The following CIRBP variants were observed in gnomAD, a reference collection of about 807,000 sequenced individuals.
CIRBP encodes cold-inducible RNA-binding protein.
In CIRBP, 11 loss-of-function variants were observed where a neutral mutation model predicts 22.3. The ratio of observed to expected loss-of-function variants is 0.49; its 90% CI spans 0.31 to 0.82. The LOEUF (loss-of-function observed/expected upper bound fraction) is 0.82, where lower values mean the gene tolerates loss of function less well. Ranked by LOEUF, CIRBP falls within the 40% of genes least tolerant of loss-of-function variation. The probability of loss-of-function intolerance (pLI) is 0.05; values close to 1 mark genes in which losing one functional copy is unlikely to be tolerated. For synonymous variants in CIRBP, 216 were observed against 158.8 expected (o/e 1.36, Z -2.71); for missense variants, 456 against 402.7 (o/e 1.13, Z -1.13).
chr19:1,274,271 G>A lies in CIRBP; in HGVS notation c.*1828G>A. The A allele has an allele frequency of 2.5e-6, 1 of 401,312 alleles. No homozygotes were observed. Among genetic ancestry groups the A allele is most frequent in the Non-Finnish European group, 4.4e-6 (1 of 226,376 alleles). 24.9% of individuals were successfully genotyped at this position (401,312 alleles called of 1,614,324 possible). On this transcript the variant is annotated 3_prime_UTR_variant, in exon 6 of 6. Coordinates refer to ENST00000587896, the MANE Select transcript of CIRBP (RefSeq NM_001300829.2). ...GGGAGGGGCAGCTGTGAGCCCTGTG[G>A]AGGACGTTGGGAGTAACGCTGCTTT...
At position 1,271,897 on chromosome 19, in the gene CIRBP, C is replaced by G. The variant is rs1302368440; in HGVS notation, c.432-84C>G. 3.2e-6 allele frequency: 4 copies of G among 1,235,682 alleles called. No homozygotes were observed. In the East Asian group the frequency reaches 7.0e-5, roughly 22 times the overall value. 76.5% of individuals were successfully genotyped at this position (1,235,682 alleles called of 1,614,324 possible). ...TTGTGTCCCCAGAAGGGACGGCTGG[C>G]ATGGGGGCTGGCGGCTCAGCCTGTT... is the stretch of plus-strand genomic sequence containing the variant. On this transcript the variant is annotated intron_variant, in intron 5 of 5. Transcript: ENST00000587896.
In CIRBP at chr19:1,272,436, A is replaced by G. The variant is rs748696708; in HGVS notation, c.887A>G (p.Asn296Ser). The G allele has an allele frequency of 6.5e-7, 1 of 1,538,806 alleles. No individual in the cohort carries two copies. Among genetic ancestry groups the G allele is most frequent in the South Asian group, 1.3e-5 (1 of 79,538 alleles). The change falls in exon 6 of 6, where the codon AAC becomes AGC. Residue 296 changes from asparagine to serine, a missense_variant. Physicochemically the swap from Asn to Ser is conservative, Grantham distance 46. This residue lies in a region of CIRBP where 426 missense variants were observed against 339.6 expected (regional missense o/e 1.25). Coordinates refer to ENST00000587896, the MANE Select transcript of CIRBP (RefSeq NM_001300829.2). ...TGCTTCTTGTCCTCAGCTACACACA[A>G]CGAGTAAAAACCCTTCCTGCTCAAG... ...CACFLSSATH[N>S]E
intron 5 of CIRBP, 110 bp downstream of exon 5, chr19:1,271,742 G>C: frequency 3.8e-6 from 3 of 785,948 alleles, no homozygotes; most frequent in South Asian, 3.6e-5. Context: ...GCAAGGAGCA[G>C]AGGCAGGTGG....
At chr19:1,271,891 G>A (rs1016764557) in intron 5 of CIRBP, 90 bp from the exon 6 acceptor site, 9 of 1,176,558 alleles carry the variant, frequency 7.6e-6, no homozygotes, top group South Asian at 4.2e-5. Context: ...CAGAAGGGAC[G>A]GCTGGCATGG....
Position 1,272,649 on chromosome 19 carries a change from G to GTT in CIRBP, c.*214_*215dup, listed in dbSNP as rs201218530. On this transcript the variant is annotated 3_prime_UTR_variant, in exon 6 of 6. Coordinates refer to ENST00000587896, the MANE Select transcript of CIRBP (RefSeq NM_001300829.2). ...AGACTTTTCTTTTTAAGGAAGTGCT[G>GTT]TTTTTTTTTGAGGGTTTTCAAAACA... 14 of 418,020 alleles carry GTT rather than the reference G, an allele frequency of 3.3e-5. No individual in the cohort carries two copies. The highest frequency in any genetic ancestry group is 6.9e-5 in the East Asian group (2 of 28,800). The allele number at this position is 418,020 out of a possible 1,614,324, so 25.9% of individuals were successfully genotyped here. A position where few individuals can be genotyped will look rare whatever the true frequency, so the allele number is the denominator to read the frequency against.
intron 5 of CIRBP, 25 bp downstream of exon 5, chr19:1,271,657 CA>C (rs766896699): frequency 1.0e-4 from 146 of 1,417,900 alleles, no homozygotes; most frequent in Non-Finnish European, 1.4e-4. Context: ...GGCCCAAGCA[CA>C]GGGGTGGTTG....
rs2081388550 is a variant in CIRBP at position 1,274,363 on chromosome 19, CTG to C, written c.*1921_*1922del. 3 of 401,036 alleles carry C rather than the reference CTG, an allele frequency of 7.5e-6. No individual in the cohort carries two copies. The highest frequency in any genetic ancestry group is 1.3e-5 in the Non-Finnish European group (3 of 226,326). The allele number at this position is 401,036 out of a possible 1,614,324, so 24.8% of individuals were successfully genotyped here. ...GGTGGCCTGAGAGCAGCGATGACCT[CTG>C]GGGTCACTGTCCCAGGAGGGACTTC... On this transcript the variant is annotated 3_prime_UTR_variant, in exon 6 of 6. Coordinates refer to ENST00000587896, the MANE Select transcript of CIRBP (RefSeq NM_001300829.2).
At chr19:1,269,950 A>T (rs1396228797) in intron 1 of CIRBP, 1 of 519,770 alleles carries the variant, frequency 1.9e-6, no homozygotes, top group Non-Finnish European at 3.8e-6. Flanking sequence ...TTGCGCCCAA[A>T]GTTTGGTCCA....
chr19:1,271,963 C>T lies in CIRBP; in HGVS notation c.432-18C>T, dbSNP rs754193131. 4.6e-5 allele frequency: 74 copies of T among 1,597,452 alleles called. No individual in the cohort carries two copies. Among genetic ancestry groups the T allele is most frequent in the Admixed American group, 3.7e-4 (22 of 59,622 alleles). On this transcript the variant is annotated intron_variant, in intron 5 of 5. Coordinates refer to ENST00000587896, the MANE Select transcript of CIRBP (RefSeq NM_001300829.2). ...TAGACGGGTACCTTCCGGTACTCAACGTTTGTCTGTCTTGCAGCCGGAGTC... is the reference window on the plus strand; with the variant it reads ...TAGACGGGTACCTTCCGGTACTCAATGTTTGTCTGTCTTGCAGCCGGAGTC...
rs898407320 is a variant in CIRBP at position 1,273,324 on chromosome 19, G to C, written c.*881G>C. On this transcript the variant is annotated 3_prime_UTR_variant, in exon 6 of 6. Transcript: ENST00000587896. The stretch of plus-strand genomic sequence containing the variant: ...GCTAGAAAGGGAGGCCCAGCAGACT[G>C]GCGCTGGTCAGGGTAGGGGAGCCAG... 4 of 152,420 alleles carry C rather than the reference G, an allele frequency of 2.6e-5. No homozygotes were observed. The highest frequency in any genetic ancestry group is 5.9e-5 in the Non-Finnish European group (4 of 68,144). 9.4% of individuals were successfully genotyped at this position (152,420 alleles called of 1,614,324 possible).
chr19:1,269,673 G>C (rs2081300160), intron 1 of CIRBP, among the ~76,000 whole-genome samples: 1 of 151,936 alleles, frequency 6.6e-6, no homozygotes, highest in South Asian at 2.1e-4. Flanking sequence ...GCGAAATGGC[G>C]GGAGCGCCGA....
rs1429760476 is a variant in CIRBP at position 1,271,002 on chromosome 19, G to A, written c.69G>A (p.Glu23=). 3.7e-6 allele frequency: 6 copies of A among 1,614,062 alleles called. No individual in the cohort carries two copies. Among genetic ancestry groups the A allele is most frequent in the Admixed American group, 3.3e-5 (2 of 60,030 alleles). ...LSFDTNEQSL[E]QVFSKYGQIS... ...TTGACACCAATGAGCAGTCGCTGGAGCAGGTCTTCTCAAAGTACGGACAGA... is the reference window on the plus strand; with the variant it reads ...TTGACACCAATGAGCAGTCGCTGGAACAGGTCTTCTCAAAGTACGGACAGA... Residue 23 remains glutamate, a synonymous_variant, in exon 2 of 6, where the codon GAG becomes GAA. Coordinates refer to ENST00000587896, the MANE Select transcript of CIRBP (RefSeq NM_001300829.2).
Position 1,272,221 on chromosome 19 carries a change from G to C in CIRBP, c.672G>C (p.Lys224Asn), listed in dbSNP as rs2081354493. 1 of 1,595,948 alleles carries C rather than the reference G, an allele frequency of 6.3e-7. No individual in the cohort carries two copies. The highest frequency in any genetic ancestry group is 1.3e-5 in the African/African-American group (1 of 74,696). The part of the protein sequence containing the change: ...SQSHFYRRTQ[K>N]PNETDQKGKG... ...GCCATTTCTATCGCAGGACGCAAAA[G>C]CCAAATGAGACTGACCAAAAAGGCA... Residue 224 changes from lysine to asparagine, a missense_variant, in exon 6 of 6, where the codon AAG becomes AAC. This residue lies in a region of CIRBP where 426 missense variants were observed against 339.6 expected (regional missense o/e 1.25). Transcript: ENST00000587896.
In CIRBP at chr19:1,271,591, C is replaced by G. The variant is rs2081340948; in HGVS notation, c.390C>G (p.Ser130=). 6.4e-7 allele frequency: 1 copy of G among 1,569,322 alleles called. No individual in the cohort carries two copies. The highest frequency in any genetic ancestry group is 1.2e-5 in the South Asian group (1 of 85,948). ...GCTATGGGGGGAACCGGTTCGAGTC[C>G]AGGAGTGGGGGCTACGGAGGCTCCA... ...DRGYGGNRFE[S]RSGGYGGSRD... Residue 130 remains serine (S), a synonymous_variant, in exon 5 of 6, where the codon TCC becomes TCG. Transcript: ENST00000587896.
Position 1,272,306 on chromosome 19 carries a change from T to A in CIRBP, c.757T>A (p.Ser253Thr). The change falls in exon 6 of 6, where the codon TCC (serine) becomes ACC (threonine). Residue 253 changes from serine to threonine, a missense_variant. By Grantham distance (58) the Ser-to-Thr change is moderately conservative. Around this residue, in one of 2 missense-constraint regions of CIRBP, gnomAD observed 426 missense variants for 339.6 expected, o/e 1.25. Coordinates refer to ENST00000587896, the MANE Select transcript of CIRBP (RefSeq NM_001300829.2). ...ARCMCGRRPA[S>T]LGCGGWLLPG... Reference sequence around the variant, plus strand: ...GTGCATGTGTGGCCGCAGGCCAGCCTCCCTCGGCTGTGGGGGGTGGTTGCT... The same window carrying A: ...GTGCATGTGTGGCCGCAGGCCAGCCACCCTCGGCTGTGGGGGGTGGTTGCT... 2 of 1,613,648 alleles carry A rather than the reference T, an allele frequency of 1.2e-6. No individual in the cohort carries two copies. The highest frequency in any genetic ancestry group is 1.7e-6 in the Non-Finnish European group (2 of 1,179,884).
rs747913213 is a variant in CIRBP, at chr19:1,270,277, C to T, written c.-6-651C>T. 3 of 367,420 alleles carry T rather than the reference C, an allele frequency of 8.2e-6. 1 individual carries two copies. The highest frequency in any genetic ancestry group is 4.0e-5 in the South Asian group (2 of 50,512). 22.8% of individuals were successfully genotyped at this position (367,420 alleles called of 1,614,324 possible). A position where few individuals can be genotyped will look rare whatever the true frequency, so the allele number is the denominator to read the frequency against. ...AGGCATTTTACAGTGAGCAGAAGCA[C>T]GTTCTGGTCCAGCAACAAGTAGATG... On this transcript the variant is annotated intron_variant, in intron 1 of 5. Transcript: ENST00000587896.
rs1600028987 is a variant in CIRBP at position 1,272,536 on chromosome 19, C to T, written c.*93C>T. On this transcript the variant is annotated 3_prime_UTR_variant, in exon 6 of 6. Transcript: ENST00000587896. Reference sequence around the variant, plus strand: ...ACGTTAATGTGTAGTAAATGCACCTCCTTGTATTCCCACTTTCGTAGTCAT... The same window carrying T: ...ACGTTAATGTGTAGTAAATGCACCTTCTTGTATTCCCACTTTCGTAGTCAT... The T allele has an allele frequency of 9.5e-7, 1 of 1,051,094 alleles. No individual in the cohort carries two copies. The highest frequency in any genetic ancestry group is 1.6e-5 in the African/African-American group (1 of 62,568). 65.1% of individuals were successfully genotyped at this position (1,051,094 alleles called of 1,614,324 possible).
chr19:1,271,102 A>AGCTGGGT, intron 2 of CIRBP, 38 bp from the exon 3 acceptor site: 1 of 1,611,482 alleles, frequency 6.2e-7, no homozygotes, highest in Non-Finnish European at 8.5e-7. Context: ...CTGGAAGTAC[A>AGCTGGGT]GCTGGGTGCT....
intron 1 of CIRBP, chr19:1,270,008 C>A: frequency 1.9e-6 from 1 of 519,866 alleles, no homozygotes; most frequent in South Asian, 1.4e-5. Context: ...GTTCTCAGAG[C>A]CACTGGGTGG....
Sources: allele counts gnomAD v4.1 joint callset (sites outside exome capture counted in the v4.1 genomes callset), GRCh38; gene constraint gnomAD v4.1.1; regional missense constraint gnomAD v4.1.1; transcripts MANE v1.5; gene names NCBI Gene and HGNC (gene_info 2026-07-23, HGNC 2026-07-21).